The following WNT3 variants were observed in gnomAD, a reference collection of about 807,000 sequenced individuals.
WNT3 encodes the protein Wnt family member 3, also known as proto-oncogene Wnt-3.
A neutral mutation model predicts 34.2 loss-of-function variants in WNT3; 7 were observed. The observed-to-expected ratio is 0.20, with a 90% confidence interval of 0.12 to 0.38. WNT3 has a LOEUF of 0.38. WNT3 is among the 10% of genes least tolerant of loss of function. The pLI is 1.00. For synonymous variants in WNT3, 212 were observed against 211.5 expected, an observed-to-expected ratio of 1.00 and a Z score of -0.02; for missense variants, 267 against 499.8, an observed-to-expected ratio of 0.53 and a Z score of 4.44.
chr17:46,776,861 C>CG (rs2059416640), intron 1 of WNT3, among the ~76,000 whole-genome samples: 1 of 152,122 alleles, frequency 6.6e-6, no homozygotes, highest in African/African-American at 2.4e-5. Flanking sequence ...ACTCGGAGAC[C>CG]CTTCCTCTGC....
intron 1 of WNT3, among the ~76,000 whole-genome samples, chr17:46,809,340 C>T (rs1431501324): frequency 6.6e-6 from 1 of 152,272 alleles, no homozygotes; most frequent in East Asian, 1.9e-4. Flanking sequence ...ATGGGCCCTG[C>T]GAGATTGGTT....
chr17:46,812,803 G>A (rs2084293416), intron 1 of WNT3, among the ~76,000 whole-genome samples: 2 of 152,234 alleles, frequency 1.3e-5, no homozygotes, highest in East Asian at 1.9e-4. Context: ...GCTTCAGTGA[G>A]CCAATAGCTT....
At chr17:46,816,471 A>ACACACACG (rs1555689345) in intron 1 of WNT3, among the ~76,000 whole-genome samples, 29 of 78,974 alleles carry the variant, frequency 3.7e-4, no homozygotes, top group African/African-American at 1.9e-3. Context: ...GACCCAGAAC[A>ACACACACG]CACGCACACA....
At chr17:46,804,351 T>G (rs1260087781) in intron 1 of WNT3, among the ~76,000 whole-genome samples, 2 of 152,160 alleles carry the variant, frequency 1.3e-5, no homozygotes, top group Non-Finnish European at 2.9e-5. Flanking sequence ...CCTCCCAAAG[T>G]GCTGGGACTA....
intron 1 of WNT3, among the ~76,000 whole-genome samples, chr17:46,790,433 T>C (rs1273759250): frequency 6.6e-6 from 1 of 151,970 alleles, no homozygotes; most frequent in Admixed American, 6.5e-5. Context: ...AGGTGCTCCC[T>C]CCCCTCTGTG....
intron 1 of WNT3, among the ~76,000 whole-genome samples, chr17:46,806,760 G>T (rs1456896579): frequency 2.6e-5 from 4 of 152,262 alleles, no homozygotes; most frequent in Non-Finnish European, 5.9e-5. Flanking sequence ...AAGCGGAGGG[G>T]AGGGGAGAGC....
At chr17:46,773,616 T>TGGGGGGGGGGGGGGGGGGGGGGG in intron 2 of WNT3, 52 bp downstream of exon 2, 2 of 997,790 alleles carry the variant, frequency 2.0e-6, no homozygotes. Flanking sequence ...CATACAGTCC[T>TGGGGGGGGGGGGGGGGGGGGGGG]GATCCCTCCC....
chr17:46,775,609 CT>C (rs1223588575), intron 1 of WNT3, among the ~76,000 whole-genome samples: 212 of 111,602 alleles, frequency 1.9e-3, no homozygotes, highest in Middle Eastern at 5.0e-3. Context: ...GCCAGAAGTT[CT>C]TTTTTTTTTT....
chr17:46,775,644 C>T (rs1400012723), intron 1 of WNT3, among the ~76,000 whole-genome samples: 1 of 139,594 alleles, frequency 7.2e-6, no homozygotes, highest in Admixed American at 7.3e-5. Context: ...GACAGAGTCT[C>T]GCTGTGTCAC....
chr17:46,805,627 T>C (rs903834191), intron 1 of WNT3, among the ~76,000 whole-genome samples: 2 of 152,118 alleles, frequency 1.3e-5, no homozygotes, highest in South Asian at 4.2e-4. Context: ...GGTGCTTGCC[T>C]GTAGTCTTAG....
At chr17:46,771,436 C>T (rs1372435853) in intron 2 of WNT3, among the ~76,000 whole-genome samples, 10 of 150,734 alleles carry the variant, frequency 6.6e-5, no homozygotes, top group Admixed American at 5.9e-4. Flanking sequence ...TGCGGCCTCT[C>T]GCGGCGGCAG....
In WNT3 at chr17:46,762,593, T is replaced by C. The variant is rs2146360551; in HGVS notation, c.*2037A>G. On this transcript the variant is annotated 3_prime_UTR_variant, in exon 5 of 5. Coordinates refer to ENST00000225512, the MANE Select transcript of WNT3 (RefSeq NM_030753.5). ...TTTTCTCCAAATATATATATATTTA[T>C]ATAATATATAATCTTAGTTAACTCA... 2 of 150,668 alleles carry C rather than the reference T, an allele frequency of 1.3e-5. 1 individual carries two copies. Among genetic ancestry groups the C allele is most frequent in the East Asian group, 3.9e-4 (2 of 5,184 alleles). 9.3% of individuals were successfully genotyped at this position (150,668 alleles called of 1,614,324 possible).
chr17:46,814,221 G>C (rs1007815906), intron 1 of WNT3, among the ~76,000 whole-genome samples: 1 of 152,214 alleles, frequency 6.6e-6, no homozygotes, highest in African/African-American at 2.4e-5. Context: ...TGCTCTGAGA[G>C]TCTAGAACTT....
intron 1 of WNT3, among the ~76,000 whole-genome samples, chr17:46,812,720 AG>A (rs984424546): frequency 6.6e-6 from 1 of 152,196 alleles, no homozygotes; most frequent in Admixed American, 6.5e-5. Context: ...GGCAAAAAGA[AG>A]AAAAGGGGAA....
intron 1 of WNT3, among the ~76,000 whole-genome samples, chr17:46,776,764 G>T (rs147346738): frequency 6.6e-6 from 1 of 152,156 alleles, no homozygotes; most frequent in African/African-American, 2.4e-5. Context: ...AGAAGCCTGG[G>T]CTGTCCCCGC....
intron 3 of WNT3, among the ~76,000 whole-genome samples, chr17:46,769,306 A>T (rs2059341702): frequency 7.4e-6 from 1 of 136,040 alleles, no homozygotes; most frequent in Non-Finnish European, 1.5e-5. Flanking sequence ...ACTGAGCGAG[A>T]CTCCGTCTCA....
intron 1 of WNT3, among the ~76,000 whole-genome samples, chr17:46,796,896 A>G (rs2084060830): frequency 6.6e-6 from 1 of 152,204 alleles, no homozygotes; most frequent in Admixed American, 6.5e-5. Context: ...TTTACACGGG[A>G]TGATTACAAC....
At position 46,779,094 on chromosome 17, in the gene WNT3, CACACACACA is replaced by C. The variant is rs2059437365; in HGVS notation, c.81-5194_81-5186del. Among the ~76,000 whole-genome samples, 4 of 148,404 alleles carry C rather than the reference CACACACACA, an allele frequency of 2.7e-5. No individual in the cohort carries two copies. In the East Asian group the frequency reaches 8.5e-4, roughly 31 times the overall value. ...ACACACACACACACACACACACACA[CACACACACA>C]CCCCAGCCCACTCGGCCTTCCAAAG... On this transcript the variant is annotated intron_variant, in intron 1 of 4. Transcript: ENST00000225512.
intron 2 of WNT3, among the ~76,000 whole-genome samples, chr17:46,771,719 C>T (rs1193146573): frequency 7.7e-5 from 11 of 142,074 alleles, no homozygotes; most frequent in Non-Finnish European, 1.3e-4. Context: ...CCGGCCCCGG[C>T]GCCGGGCCGC....
Sources: allele counts gnomAD v4.1 joint callset (sites outside exome capture counted in the v4.1 genomes callset), GRCh38; gene constraint gnomAD v4.1.1; transcripts MANE v1.5; gene names NCBI Gene and HGNC (gene_info 2026-07-23, HGNC 2026-07-21).